The following NBEA variants were observed in gnomAD, a reference collection of about 807,000 sequenced individuals.
The protein encoded by NBEA is lysosomal-trafficking regulator 2.
Under a neutral mutation model 343.4 loss-of-function variants are expected in NBEA, and 44 were observed. The ratio of observed to expected loss-of-function variants is 0.13; its 90% CI spans 0.10 to 0.16. The LOEUF is 0.16. Ranked by LOEUF, NBEA falls within the 10% of genes least tolerant of loss-of-function variation. The pLI, the probability that NBEA is intolerant of heterozygous loss-of-function variation, is 1.00. For synonymous variants in NBEA, 1,175 were observed against 1,238.7 expected (o/e 0.95, Z 1.08); for missense variants, 2,555 against 3,631.3 (o/e 0.70, Z 7.62).
chr13:35,576,207 C>T (rs1219719393), intron 45 of NBEA, among the ~76,000 whole-genome samples: 2 of 151,364 alleles, frequency 1.3e-5, no homozygotes, highest in African/African-American at 4.9e-5. Flanking sequence ...ACTTCCGCCT[C>T]CGAGATTCAG....
chr13:35,320,899 G>A (rs772268127), intron 36 of NBEA, among the ~76,000 whole-genome samples: 2 of 151,824 alleles, frequency 1.3e-5, no homozygotes, highest in African/African-American at 2.4e-5. Flanking sequence ...TGATACTTGT[G>A]TATGCTTCAT....
chr13:35,654,793 T>TG, intron 53 of NBEA, 62 bp from the exon 54 acceptor site: 1 of 1,369,960 alleles, frequency 7.3e-7, no homozygotes, highest in Non-Finnish European at 9.9e-7. Flanking sequence ...TTTCCTTCTT[T>TG]GAGTGCTTGG....
At position 35,563,150 on chromosome 13, in the gene NBEA, GAT is replaced by G. The variant is rs1491489396; in HGVS notation, c.6923-3753_6923-3752del. Reference sequence around the variant, plus strand: ...GTGTGTGGAGATAGATAGATAGATAGATAGATAGATAGATAGATAGATAGATA... The same window carrying G: ...GTGTGTGGAGATAGATAGATAGATAGAGATAGATAGATAGATAGATAGATA... On this transcript the variant is annotated intron_variant, in intron 44 of 58. Coordinates refer to ENST00000379939, the MANE Select transcript of NBEA (RefSeq NM_001385012.1). Among the ~76,000 whole-genome samples, 817 of 107,278 alleles carry G rather than the reference GAT, an allele frequency of 7.6e-3. 12 individuals are homozygous for G. The highest frequency in any genetic ancestry group is 0.022 in the African/African-American group (776 of 35,440). 70.4% of individuals were successfully genotyped at this position (107,278 alleles called of 152,430 possible). A position where few individuals can be genotyped will look rare whatever the true frequency, so the allele number is the denominator to read the frequency against.
Position 35,331,671 on chromosome 13 carries a change from C to T in NBEA, c.5904-17437C>T, listed in dbSNP as rs138461049. On this transcript the variant is annotated intron_variant, in intron 36 of 58. Transcript: ENST00000379939. ...TAAAGTCAGTTACTTCCAAGAACATCAGAACTTGCTTGTTGACATCTATTC... is the reference window on the plus strand; with the variant it reads ...TAAAGTCAGTTACTTCCAAGAACATTAGAACTTGCTTGTTGACATCTATTC... Among the ~76,000 whole-genome samples, 15 of 152,130 alleles carry T rather than the reference C, an allele frequency of 9.9e-5. No homozygotes were observed. In the East Asian group the frequency reaches 2.9e-3, roughly 29 times the overall value.
chr13:35,091,225 G>T (rs1051294047), intron 10 of NBEA, among the ~76,000 whole-genome samples: 6 of 151,906 alleles, frequency 3.9e-5, no homozygotes, highest in Non-Finnish European at 8.8e-5. Flanking sequence ...TCTGCCAGTG[G>T]CCCTGGATAT....
At chr13:35,431,361 C>T (rs1050472312) in intron 38 of NBEA, among the ~76,000 whole-genome samples, 1 of 151,804 alleles carries the variant, frequency 6.6e-6, no homozygotes, top group Non-Finnish European at 1.5e-5. Context: ...TGTATTACTC[C>T]ACTACTAGAT....
intron 34 of NBEA, among the ~76,000 whole-genome samples, chr13:35,248,511 C>T (rs2031526223): frequency 6.6e-6 from 1 of 152,180 alleles, no homozygotes; most frequent in South Asian, 2.1e-4. Context: ...ACTTACATAG[C>T]TCCACAAGTC....
intron 17 of NBEA, among the ~76,000 whole-genome samples, chr13:35,137,759 A>G (rs967223760): frequency 1.3e-5 from 2 of 152,028 alleles, no homozygotes; most frequent in Non-Finnish European, 2.9e-5. Flanking sequence ...CAGTTTATGA[A>G]TTTCTATGTT....
At chr13:35,526,959 G>C (rs561853601) in intron 41 of NBEA, among the ~76,000 whole-genome samples, 1 of 152,202 alleles carries the variant, frequency 6.6e-6, no homozygotes, top group East Asian at 2.0e-4. Context: ...CCCAAAGAGA[G>C]TATCACAACC....
intron 35 of NBEA, among the ~76,000 whole-genome samples, chr13:35,301,063 A>G (rs1428145798): frequency 2.0e-5 from 3 of 152,116 alleles, no homozygotes; most frequent in African/African-American, 4.8e-5. Flanking sequence ...AATATACTTT[A>G]TCTTGTGAAG....
At chr13:35,516,660 TG>T (rs1390799038) in intron 41 of NBEA, among the ~76,000 whole-genome samples, 5 of 152,212 alleles carry the variant, frequency 3.3e-5, no homozygotes, top group Non-Finnish European at 7.4e-5. Context: ...TTTGATATTT[TG>T]CTAGTTTTGA....
chr13:35,205,235 A>G (rs2073307035), intron 31 of NBEA, among the ~76,000 whole-genome samples: 1 of 152,172 alleles, frequency 6.6e-6, no homozygotes, highest in African/African-American at 2.4e-5. Flanking sequence ...TTACAAACTC[A>G]TAATGTAGGT....
In NBEA at chr13:35,196,235, T is replaced by C; in HGVS notation, c.5299T>C (p.Tyr1767His). ...IAECGPEPIPYPDPALKRETQ... is the reference protein window; with the variant it reads ...IAECGPEPIPHPDPALKRETQ... ...AGAATGTGGCCCTGAACCTATCCCA[T>C]ACCCAGATCCAGCATTGAAGAGAGA... The change falls in exon 31 of 59, where the codon TAC (tyrosine) becomes CAC (histidine). Residue 1767 changes from tyrosine to histidine, a missense_variant. Tyr to His is a moderately conservative substitution (Grantham distance 83). This residue lies in a region of NBEA where 270 missense variants were observed against 293.3 expected (regional missense o/e 0.92). Coordinates refer to ENST00000379939, the MANE Select transcript of NBEA (RefSeq NM_001385012.1). The C allele has an allele frequency of 6.2e-7, 1 of 1,613,588 alleles. No homozygotes were observed. Among genetic ancestry groups the C allele is most frequent in the Non-Finnish European group, 8.5e-7 (1 of 1,179,684 alleles).
At chr13:35,016,244 G>C (rs1401190559) in intron 1 of NBEA, among the ~76,000 whole-genome samples, 2 of 151,942 alleles carry the variant, frequency 1.3e-5, no homozygotes, top group Admixed American at 1.3e-4. Flanking sequence ...TGTGTATGTA[G>C]ATATATGTAT....
chr13:35,403,265 ATAT>A (rs1222978381), intron 38 of NBEA, among the ~76,000 whole-genome samples: 1 of 152,072 alleles, frequency 6.6e-6, no homozygotes, highest in African/African-American at 2.4e-5. Context: ...TTAATAACAA[ATAT>A]TAATAATAGC....
In NBEA at chr13:35,026,287, A is replaced by G. The variant is rs80237545; in HGVS notation, c.295-14646A>G. Among the ~76,000 whole-genome samples the G allele has an allele frequency of 2.4e-4, 36 of 152,242 alleles. No individual in the cohort carries two copies. In the East Asian group the frequency reaches 6.0e-3, roughly 25 times the overall value. Reference sequence around the variant, plus strand: ...AGTCAATTAAACCTCTTTTCTTTATAAATTGCCCAGTCTCAGGTATTTCTT... The same window carrying G: ...AGTCAATTAAACCTCTTTTCTTTATGAATTGCCCAGTCTCAGGTATTTCTT... On this transcript the variant is annotated intron_variant, in intron 1 of 58. Coordinates refer to ENST00000379939, the MANE Select transcript of NBEA (RefSeq NM_001385012.1).
chr13:35,648,463 T>G (rs2084355051), intron 51 of NBEA, among the ~76,000 whole-genome samples: 1 of 152,116 alleles, frequency 6.6e-6, no homozygotes, highest in Non-Finnish European at 1.5e-5. Flanking sequence ...AAGAGTTTTA[T>G]TCCCGTGTTA....
At chr13:35,230,431 T>G (rs1404467692) in intron 33 of NBEA, among the ~76,000 whole-genome samples, 3 of 152,134 alleles carry the variant, frequency 2.0e-5, no homozygotes, top group African/African-American at 7.2e-5. Context: ...CAACCCTCCA[T>G]TAATCAATAA....
intron 50 of NBEA, 51 bp downstream of exon 50, chr13:35,645,982 T>A (rs2084210271): frequency 8.5e-7 from 1 of 1,182,452 alleles, no homozygotes; most frequent in South Asian, 1.4e-5. Flanking sequence ...TTTAGCTGCA[T>A]GCATGTATTC....
Sources: allele counts gnomAD v4.1 joint callset (sites outside exome capture counted in the v4.1 genomes callset), GRCh38; gene constraint gnomAD v4.1.1; regional missense constraint gnomAD v4.1.1; transcripts MANE v1.5; gene names NCBI Gene and HGNC (gene_info 2026-07-23, HGNC 2026-07-21).